The following TAFA2 variants were observed in gnomAD, a reference collection of about 807,000 sequenced individuals.
TAFA2 encodes the protein TAFA chemokine like family member 2, also known as chemokine-like protein TAFA-2.
In TAFA2, 7 loss-of-function variants were observed where a neutral mutation model predicts 18.8. The observed-to-expected ratio is 0.37, with a 90% CI of 0.21 to 0.70. The LOEUF (loss-of-function observed/expected upper bound fraction) is 0.70. TAFA2 is among the 30% of genes least tolerant of loss of function. TAFA2 has a pLI of 0.53. For synonymous variants in TAFA2, 60 were observed against 54.2 expected, an observed-to-expected ratio of 1.11 and a Z score of -0.47; for missense variants, 122 against 158.1, an observed-to-expected ratio of 0.77 and a Z score of 1.23.
chr12:62,255,622 G>A (rs183947494), intron 1 of TAFA2, among the ~76,000 whole-genome samples: 79 of 152,194 alleles, frequency 5.2e-4, no homozygotes, highest in Non-Finnish European at 9.3e-4. Flanking sequence ...GGAGGCTGAG[G>A]CAGGTGGATC....
intron 1 of TAFA2, among the ~76,000 whole-genome samples, chr12:61,939,366 A>G (rs1877901938): frequency 6.6e-6 from 1 of 152,204 alleles, no homozygotes. Flanking sequence ...TATTAAGGCT[A>G]AAATCTTGCT....
chr12:62,230,628 C>A (rs1440398254), intron 1 of TAFA2, among the ~76,000 whole-genome samples: 1 of 152,098 alleles, frequency 6.6e-6, no homozygotes, highest in Non-Finnish European at 1.5e-5. Flanking sequence ...TGTGGCCTAA[C>A]ATAAGGTCTA....
At chr12:62,198,771 T>C (rs2062659432) in intron 1 of TAFA2, among the ~76,000 whole-genome samples, 1 of 152,208 alleles carries the variant, frequency 6.6e-6, no homozygotes, top group Non-Finnish European at 1.5e-5. Context: ...ATGCATGTTA[T>C]TAACTTATGC....
rs1870261514 is a variant in TAFA2, at chr12:62,122,884, C to G, written c.-2+68375G>C. On this transcript the variant is annotated intron_variant, in intron 1 of 4. Transcript: ENST00000416284. ...TGTGACCTGCAGCCCCATCATAAAC[C>G]ATACCTTCTTTTCCATGGCCTTTCT... 2.0e-5 allele frequency among the ~76,000 whole-genome samples: 3 copies of G among 152,114 alleles called. No homozygotes were observed. In the South Asian group the frequency reaches 6.2e-4, roughly 32 times the overall value.
At chr12:62,086,201 A>C (rs1292759424) in intron 1 of TAFA2, among the ~76,000 whole-genome samples, 4 of 145,356 alleles carry the variant, frequency 2.8e-5, no homozygotes, top group South Asian at 2.2e-4. Flanking sequence ...AAAACAAAAA[A>C]AAAAACAGGA....
At chr12:62,015,695 T>C (rs1388189327) in intron 1 of TAFA2, among the ~76,000 whole-genome samples, 1 of 152,186 alleles carries the variant, frequency 6.6e-6, no homozygotes, top group African/African-American at 2.4e-5. Context: ...TGCAAGACAA[T>C]TGCATTAAGT....
intron 1 of TAFA2, among the ~76,000 whole-genome samples, chr12:62,116,012 G>A (rs956460645): frequency 1.3e-5 from 2 of 152,096 alleles, no homozygotes; most frequent in Non-Finnish European, 2.9e-5. Flanking sequence ...ACTAATCTAG[G>A]AAAGTAACAT....
chr12:61,948,123 A>G (rs537231044), intron 1 of TAFA2, among the ~76,000 whole-genome samples: 2 of 152,328 alleles, frequency 1.3e-5, no homozygotes, highest in African/African-American at 4.8e-5. Context: ...TTGCTGTTAC[A>G]AAAACTTAAT....
At chr12:61,732,946 C>T (rs1213043403) in intron 4 of TAFA2, among the ~76,000 whole-genome samples, 1 of 151,806 alleles carries the variant, frequency 6.6e-6, no homozygotes, top group East Asian at 1.9e-4. Flanking sequence ...AAGGCATACC[C>T]CCATCTCTTA....
intron 1 of TAFA2, among the ~76,000 whole-genome samples, chr12:61,951,968 C>T (rs1236564564): frequency 2.0e-5 from 3 of 151,976 alleles, no homozygotes; most frequent in Non-Finnish European, 4.4e-5. Flanking sequence ...AATGTAATTA[C>T]CAAAGATCGC....
chr12:62,084,286 T>A (rs187989947), intron 1 of TAFA2, among the ~76,000 whole-genome samples: 4 of 152,274 alleles, frequency 2.6e-5, no homozygotes, highest in Non-Finnish European at 1.5e-5. Flanking sequence ...CCTAACAACT[T>A]ATCTAATACT....
At chr12:61,922,278 G>T (rs536214315) in intron 1 of TAFA2, among the ~76,000 whole-genome samples, 1 of 152,112 alleles carries the variant, frequency 6.6e-6, no homozygotes, top group Admixed American at 6.6e-5. Context: ...TTATCTCCTC[G>T]GGGTGAAAGG....
At chr12:61,903,161 T>G (rs2121322476) in intron 1 of TAFA2, among the ~76,000 whole-genome samples, 1 of 152,214 alleles carries the variant, frequency 6.6e-6, no homozygotes, top group African/African-American at 2.4e-5. Context: ...CTTGAAAAAT[T>G]ACAGTGTAGT....
intron 1 of TAFA2, among the ~76,000 whole-genome samples, chr12:61,987,417 G>A (rs945140940): frequency 1.3e-5 from 2 of 152,166 alleles, no homozygotes. Flanking sequence ...ATCACTGAAC[G>A]AATGTGCTAA....
intron 1 of TAFA2, among the ~76,000 whole-genome samples, chr12:61,929,325 C>T (rs948090391): frequency 2.0e-5 from 3 of 151,978 alleles, no homozygotes; most frequent in Non-Finnish European, 2.9e-5. Context: ...ACAAACAACC[C>T]CATCAACAAG....
intron 1 of TAFA2, among the ~76,000 whole-genome samples, chr12:62,038,654 T>C (rs1881675451): frequency 6.6e-6 from 1 of 151,866 alleles, no homozygotes. Flanking sequence ...CTGTATGCAA[T>C]AAAATTTTTT....
chr12:61,881,916 T>C (rs1875159649), intron 1 of TAFA2, among the ~76,000 whole-genome samples: 1 of 149,332 alleles, frequency 6.7e-6, no homozygotes, highest in African/African-American at 2.5e-5. Context: ...CTGACTTGAA[T>C]CAGAAAAAAA....
At chr12:61,749,063 A>G (rs1246719673) in intron 4 of TAFA2, among the ~76,000 whole-genome samples, 1 of 151,608 alleles carries the variant, frequency 6.6e-6, no homozygotes, top group African/African-American at 2.4e-5. Context: ...GCCAGGAGTC[A>G]GAGACCAGCC....
intron 1 of TAFA2, among the ~76,000 whole-genome samples, chr12:62,160,678 G>A (rs941050259): frequency 6.6e-6 from 1 of 152,140 alleles, no homozygotes; most frequent in Non-Finnish European, 1.5e-5. Context: ...TGCAGTTGGG[G>A]GCCATTATCT....
Sources: gnomAD v4.1 joint callset for allele counts (sites outside exome capture counted in the v4.1 genomes callset) on GRCh38, gnomAD v4.1.1 for gene constraint, MANE v1.5 for transcripts, NCBI Gene and HGNC (gene_info 2026-07-23, HGNC 2026-07-21) for gene names.